The following CDC45 variants were observed in gnomAD, a reference collection of about 807,000 sequenced individuals.
The protein encoded by CDC45 is cell division cycle 45.
Under a neutral mutation model 77.8 loss-of-function variants are expected in CDC45, and 54 were observed. The ratio of observed to expected loss-of-function variants is 0.69; its 90% CI spans 0.56 to 0.87. The LOEUF is 0.87. Among genes scored for constraint, CDC45 ranks in the 40% least tolerant of loss-of-function variants. CDC45 has a pLI of 0.00. For missense variants in CDC45, 649 were observed against 721.6 expected (o/e 0.90, Z 1.15); for synonymous variants, 260 against 272.1 (o/e 0.96, Z 0.44).
At position 19,507,442 on chromosome 22, in the gene CDC45, G is replaced by A. The variant is rs1174528775; in HGVS notation, c.881G>A (p.Ser294Asn). ...CTCCATGACAGCCTGTGCAACACCA[G>A]CTATACCGCAGCCAGGTTCAAGCTG... ...WSLHDSLCNT[S>N]YTAARFKLWS... is the part of the protein sequence containing the mutation. The change falls in exon 11 of 19, where the codon AGC becomes AAC. Residue 294 changes from serine to asparagine, a missense_variant. By Grantham distance (46) the Ser-to-Asn change is conservative. Transcript: ENST00000263201. The A allele has an allele frequency of 6.2e-7, 1 of 1,614,070 alleles. No individual in the cohort carries two copies. The highest frequency in any genetic ancestry group is 1.3e-5 in the African/African-American group (1 of 74,938).
upstream of CDC45, chr22:19,479,563 C>G (rs1260994182): frequency 1.4e-5 from 8 of 574,366 alleles, no homozygotes; most frequent in Admixed American, 1.8e-4. Flanking sequence ...GTAAATGCTG[C>G]CCCATTGGGT....
Position 19,516,711 on chromosome 22 carries a change from C to A in CDC45, c.1559+66C>A, listed in dbSNP as rs1402844026. The A allele has an allele frequency of 4.8e-6, 7 of 1,453,180 alleles. No homozygotes were observed. The Admixed American group carries it at 1.2e-4, about 25-fold the overall frequency. 90.0% of individuals were successfully genotyped at this position (1,453,180 alleles called of 1,614,324 possible). On this transcript the variant is annotated intron_variant, in intron 16 of 18. Transcript: ENST00000263201. ...GTGTTGGGGTTATCAGCTTATTAGC[C>A]CTGCTGAGTAGAGTGGTATTTGCCT...
At chr22:19,482,558 G>A (rs772245847) in intron 3 of CDC45, 132 bp from the exon 4 acceptor site, 149 of 923,214 alleles carry the variant, frequency 1.6e-4, no homozygotes, top group Middle Eastern at 7.0e-4. Context: ...ATTTTTTGGA[G>A]TCCCTTGCCA....
At chr22:19,504,084 A>G (rs5993656) in intron 9 of CDC45, among the ~76,000 whole-genome samples, 2,093 of 152,330 alleles carry the variant, frequency 0.014, 56 homozygotes, top group African/African-American at 0.047. Context: ...AGGCAAGCAA[A>G]TGCCCACAAG....
At chr22:19,508,820 G>A (rs1022742890) in intron 13 of CDC45, 129 bp downstream of exon 13, 1 of 772,892 alleles carries the variant, frequency 1.3e-6, no homozygotes. Flanking sequence ...TGGGTGAACT[G>A]GAATCACAGT....
upstream of CDC45, chr22:19,479,607 A>C: frequency 4.9e-6 from 3 of 616,324 alleles, no homozygotes; most frequent in Non-Finnish European, 9.3e-6. Context: ...TTAGAAGTAT[A>C]CTTTCCCTGA....
intron 5 of CDC45, among the ~76,000 whole-genome samples, chr22:19,486,019 T>A (rs2090061727): frequency 6.6e-6 from 1 of 152,236 alleles, no homozygotes; most frequent in Non-Finnish European, 1.5e-5. Context: ...TTCTTTTTTA[T>A]TTTTTATTTT....
At chr22:19,487,636 G>A (rs952291615) in intron 5 of CDC45, among the ~76,000 whole-genome samples, 7 of 151,996 alleles carry the variant, frequency 4.6e-5, no homozygotes, top group Non-Finnish European at 8.8e-5. Flanking sequence ...GCTATAGGCC[G>A]GGCGTGGTGG....
rs776646954 is a variant in CDC45, at chr22:19,480,152, C to T, written c.52-6C>T. Reference sequence around the variant, plus strand: ...CGTGTTCAGCCGGTCTGCTCTTCCCCGATAGAGGGTCCTTCTCTTCGTGGC... The same window carrying T: ...CGTGTTCAGCCGGTCTGCTCTTCCCTGATAGAGGGTCCTTCTCTTCGTGGC... On this transcript the variant is annotated splice_polypyrimidine_tract_variant and splice_region_variant and intron_variant, in intron 1 of 18. Coordinates refer to ENST00000263201, the MANE Select transcript of CDC45 (RefSeq NM_003504.5). 1 of 1,613,958 alleles carries T rather than the reference C, an allele frequency of 6.2e-7. No individual in the cohort carries two copies. Among genetic ancestry groups the T allele is most frequent in the Admixed American group, 1.7e-5 (1 of 60,026 alleles).
chr22:19,505,544 T>C (rs1933122614), intron 10 of CDC45, 63 bp downstream of exon 10: 1 of 1,589,594 alleles, frequency 6.3e-7, no homozygotes, highest in Non-Finnish European at 8.6e-7. Flanking sequence ...CCTTGTTTGC[T>C]TTGTCACCCT....
At chr22:19,518,961 G>C in intron 18 of CDC45, 52 bp downstream of exon 18, 2 of 1,323,746 alleles carry the variant, frequency 1.5e-6, no homozygotes, top group Non-Finnish European at 2.2e-6. Flanking sequence ...CTCAGAGCCC[G>C]ACCCTGATGC....
In CDC45 at chr22:19,494,742, T is replaced by G. The variant is rs2090212609; in HGVS notation, c.542+360T>G. The G allele has an allele frequency of 2.7e-5, 20 of 736,244 alleles. 1 individual carries two copies. In the South Asian group the frequency reaches 2.9e-4, roughly 11 times the overall value. The allele number at this position is 736,244 out of a possible 1,614,324, so 45.6% of individuals were successfully genotyped here. A position where few individuals can be genotyped will look rare whatever the true frequency, so the allele number is the denominator to read the frequency against. Reference sequence around the variant, plus strand: ...TTGGAAAGGTTATTCTAGCTTGAAGTGAGCATGCAGCAGCGCCCTTGAGGT... The same window carrying G: ...TTGGAAAGGTTATTCTAGCTTGAAGGGAGCATGCAGCAGCGCCCTTGAGGT... On this transcript the variant is annotated intron_variant, in intron 6 of 18. Coordinates refer to ENST00000263201, the MANE Select transcript of CDC45 (RefSeq NM_003504.5).
At chr22:19,499,919 A>T (rs1291634320) in intron 9 of CDC45, among the ~76,000 whole-genome samples, 1 of 152,132 alleles carries the variant, frequency 6.6e-6, no homozygotes, top group Non-Finnish European at 1.5e-5. Context: ...TGGTCTCCTC[A>T]TGCAGTTTGA....
chr22:19,513,651 G>T (rs1933631679), intron 13 of CDC45, among the ~76,000 whole-genome samples: 1 of 152,124 alleles, frequency 6.6e-6, no homozygotes, highest in Admixed American at 6.5e-5. Flanking sequence ...TGTTTCTTGG[G>T]ATCTTCATCT....
At position 19,505,494 on chromosome 22, in the gene CDC45, C is replaced by A. The variant is rs752396976; in HGVS notation, c.824+13C>A. ...CCTTTGAGTATGAGTATCCTTGTGG[C>A]CCAGCCTGAGGGGCACAGGCAGCAC... On this transcript the variant is annotated intron_variant, in intron 10 of 18. Transcript: ENST00000263201. The A allele has an allele frequency of 1.2e-6, 2 of 1,613,628 alleles. No individual in the cohort carries two copies. Among genetic ancestry groups the A allele is most frequent in the Non-Finnish European group, 1.7e-6 (2 of 1,179,730 alleles).
At chr22:19,511,798 C>T (rs949970373) in intron 13 of CDC45, among the ~76,000 whole-genome samples, 3 of 151,820 alleles carry the variant, frequency 2.0e-5, no homozygotes, top group African/African-American at 7.3e-5. Flanking sequence ...GTTTCTTGTG[C>T]TTTTGGTGTC....
Position 19,479,930 on chromosome 22 carries a change from TA to T in CDC45, c.-38del. 7 of 1,611,058 alleles carry T rather than the reference TA, an allele frequency of 4.3e-6. No individual in the cohort carries two copies. The highest frequency in any genetic ancestry group is 5.9e-6 in the Non-Finnish European group (7 of 1,179,212). On this transcript the variant is annotated 5_prime_UTR_variant, in exon 1 of 19. Transcript: ENST00000263201. ...GTCTTGACCGCCGCCGGGCTCTTGGTACCTCAGCGCGAGCGCCAGGCGTCCG... is the reference window on the plus strand; with the variant it reads ...GTCTTGACCGCCGCCGGGCTCTTGGTCCTCAGCGCGAGCGCCAGGCGTCCG...
At chr22:19,518,982 C>A in intron 18 of CDC45, 73 bp downstream of exon 18, 2 of 1,127,872 alleles carry the variant, frequency 1.8e-6, no homozygotes, top group Non-Finnish European at 2.7e-6. Context: ...CCTGCTCTGT[C>A]CTCCCTCAAC....
At position 19,499,180 on chromosome 22, in the gene CDC45, G is replaced by A. The variant is rs1346108690; in HGVS notation, c.704+29G>A. The A allele has an allele frequency of 3.7e-6, 6 of 1,613,048 alleles. No individual in the cohort carries two copies. The South Asian group carries it at 4.4e-5, about 12-fold the overall frequency. On this transcript the variant is annotated intron_variant, in intron 9 of 18. Transcript: ENST00000263201. ...AGGACACACTCCCTTGCCTTGCAGG[G>A]TCAGCCCTGTGCTGTGGCCAGGTGC...
Sources: allele counts gnomAD v4.1 joint callset (sites outside exome capture counted in the v4.1 genomes callset), GRCh38; gene constraint gnomAD v4.1.1; transcripts MANE v1.5; gene names NCBI Gene and HGNC (gene_info 2026-07-23, HGNC 2026-07-21).